Variants in INSL6 observed in about 807,000 individuals in gnomAD.
The protein encoded by INSL6 is insulin-like peptide INSL6.
INSL6 carries 16 observed loss-of-function variants against 9.4 expected under a neutral mutation model. That is an observed-to-expected ratio of 1.70 (90% CI 1.15 to 2.59). The LOEUF (loss-of-function observed/expected upper bound fraction) is 2.59. INSL6 is among the 30% of genes most tolerant of loss of function. The pLI, the probability that INSL6 is intolerant of heterozygous loss-of-function variation, is 0.00. For missense variants in INSL6, 391 were observed against 257.3 expected (o/e 1.52, Z -3.56); for synonymous variants, 154 against 96.9 (o/e 1.59, Z -3.46).
At chr9:5,027,881 A>G in the INSL6 span, among the ~76,000 whole-genome samples, 1 of 152,284 alleles carries the variant, frequency 6.6e-6, no homozygotes, top group East Asian at 1.9e-4. Context: ...TTCTAATTTT[A>G]GTTCTCTTGT....
chr9:5,183,027 C>T (rs1825493427), intron 1 of INSL6, among the ~76,000 whole-genome samples: 1 of 152,156 alleles, frequency 6.6e-6, no homozygotes, highest in Non-Finnish European at 1.5e-5. Context: ...AGACAACTGA[C>T]TTGATCTAAC....
the INSL6 span, chr9:5,044,329 G>T: frequency 1.1e-6 from 1 of 870,322 alleles, no homozygotes; most frequent in Non-Finnish European, 1.9e-6. Flanking sequence ...GTATGCTGTA[G>T]GTGACTATAT....
chr9:5,116,783 A>G, the INSL6 span, among the ~76,000 whole-genome samples: 5 of 152,226 alleles, frequency 3.3e-5, no homozygotes, highest in Non-Finnish European at 7.3e-5. Context: ...GGCAAATTCA[A>G]CTGACAGGTC....
intron 2 of INSL6, among the ~76,000 whole-genome samples, chr9:5,156,248 T>C (rs1220517599): frequency 6.6e-6 from 1 of 152,202 alleles, no homozygotes; most frequent in Non-Finnish European, 1.5e-5. Flanking sequence ...ACTTTATTGG[T>C]GAATTTCAGC....
At chr9:5,039,650 G>GAA in the INSL6 span, among the ~76,000 whole-genome samples, 1 of 152,010 alleles carries the variant, frequency 6.6e-6, no homozygotes, top group Non-Finnish European at 1.5e-5. Context: ...TTGCAGAATA[G>GAA]AAGATCAATA....
chr9:5,029,940 T>G, the INSL6 span: 1 of 1,540,838 alleles, frequency 6.5e-7, no homozygotes, highest in Middle Eastern at 1.7e-4. Flanking sequence ...CACTTAATGC[T>G]AAAAGGCAAA....
intron 2 of INSL6, among the ~76,000 whole-genome samples, chr9:5,150,118 A>G (rs1824682273): frequency 6.6e-6 from 1 of 152,274 alleles, no homozygotes; most frequent in Non-Finnish European, 1.5e-5. Flanking sequence ...AAAGATTTAA[A>G]TGTCAGAACT....
At chr9:5,176,077 AC>A (rs1825299203) in intron 1 of INSL6, among the ~76,000 whole-genome samples, 1 of 151,892 alleles carries the variant, frequency 6.6e-6, no homozygotes, top group African/African-American at 2.4e-5. Context: ...TCTGCCTATT[AC>A]CTCTCCTACC....
the INSL6 span, among the ~76,000 whole-genome samples, chr9:5,026,749 T>C: frequency 7.7e-4 from 117 of 152,324 alleles, no homozygotes; most frequent in African/African-American, 2.8e-3. Flanking sequence ...ATGTTCTATA[T>C]ATGCTTGAAA....
At chr9:5,115,680 G>C in the INSL6 span, among the ~76,000 whole-genome samples, 2 of 152,202 alleles carry the variant, frequency 1.3e-5, no homozygotes, top group Non-Finnish European at 2.9e-5. Flanking sequence ...ATCAATGATA[G>C]ACTGGATAAA....
chr9:5,153,657 TCACAAGCATTC>T (rs1824758459), intron 2 of INSL6, among the ~76,000 whole-genome samples: 1 of 152,136 alleles, frequency 6.6e-6, no homozygotes, highest in Admixed American at 6.5e-5. Context: ...TGTGCAAAAG[TCACAAGCATTC>T]TTATACACCA....
the INSL6 span, among the ~76,000 whole-genome samples, chr9:5,013,489 T>G: frequency 6.6e-6 from 1 of 152,234 alleles, no homozygotes; most frequent in Non-Finnish European, 1.5e-5. Flanking sequence ...CCATTGCCTT[T>G]TGGGACATTT....
the INSL6 span, among the ~76,000 whole-genome samples, chr9:5,023,062 T>G: frequency 6.6e-6 from 1 of 152,368 alleles, no homozygotes; most frequent in East Asian, 1.9e-4. Flanking sequence ...AATACATTGT[T>G]GTTAACTATA....
chr9:5,010,089 G>C, the INSL6 span, among the ~76,000 whole-genome samples: 1 of 152,142 alleles, frequency 6.6e-6, no homozygotes, highest in Non-Finnish European at 1.5e-5. Flanking sequence ...GTTTTAAATA[G>C]AGTCTATTTC....
intron 1 of INSL6, among the ~76,000 whole-genome samples, chr9:5,180,656 A>T (rs905385196): frequency 6.6e-6 from 1 of 152,088 alleles, no homozygotes; most frequent in Non-Finnish European, 1.5e-5. Flanking sequence ...CACCCTGGTA[A>T]ATTTGTGGTC....
the INSL6 span, among the ~76,000 whole-genome samples, chr9:5,038,814 G>C: frequency 6.6e-6 from 1 of 152,016 alleles, no homozygotes; most frequent in East Asian, 1.9e-4. Flanking sequence ...ACTATGACCA[G>C]GTGGGATTTA....
At chr9:5,109,931 C>CT in the INSL6 span, 3 of 152,164 alleles carry the variant, frequency 2.0e-5, no homozygotes, top group South Asian at 6.2e-4. Context: ...TACTAACTGG[C>CT]TGACAATATG....
chr9:5,178,475 T>G (rs571495596), intron 1 of INSL6, among the ~76,000 whole-genome samples: 1 of 152,214 alleles, frequency 6.6e-6, no homozygotes, highest in Admixed American at 6.5e-5. Context: ...AGGACCTCCA[T>G]GTGGAGGCTT....
chr9:5,148,034 C>A (rs767641737), intron 2 of INSL6, among the ~76,000 whole-genome samples: 49 of 152,160 alleles, frequency 3.2e-4, no homozygotes, highest in Non-Finnish European at 5.4e-4. Context: ...TCCATATCTG[C>A]CATTTCAGAC....
Sources: allele counts gnomAD v4.1 joint callset (sites outside exome capture counted in the v4.1 genomes callset), GRCh38; gene constraint gnomAD v4.1.1; transcripts MANE v1.5; gene names NCBI Gene and HGNC (gene_info 2026-07-23, HGNC 2026-07-21).